ZNF787: variants seen among roughly 807,000 people sequenced by gnomAD.
The protein encoded by ZNF787 is zinc finger protein 787.
Under a neutral mutation model 16.9 loss-of-function variants are expected in ZNF787, and 7 were observed. That is an observed-to-expected ratio of 0.42 (90% CI 0.24 to 0.78). The LOEUF (loss-of-function observed/expected upper bound fraction) is 0.78. ZNF787 is among the 30% of genes least tolerant of loss of function. The pLI, the probability that ZNF787 is intolerant of heterozygous loss-of-function variation, is 0.30. For missense variants in ZNF787, 551 were observed against 589.3 expected (o/e 0.94, Z 0.67); for synonymous variants, 345 against 270.9 (o/e 1.27, Z -2.69).
chr19:56,117,329 G>GCGGC, intron 1 of ZNF787, among the ~76,000 whole-genome samples: 1 of 151,242 alleles, frequency 6.6e-6, no homozygotes, highest in African/African-American at 2.4e-5. Flanking sequence ...CACAAGCAGA[G>GCGGC]TGGCTAGTAC....
At chr19:56,109,089 C>A (rs58893103) in intron 1 of ZNF787, among the ~76,000 whole-genome samples, 17,073 of 152,192 alleles carry the variant, frequency 0.11, 1,330 homozygotes, top group East Asian at 0.33. Flanking sequence ...ACCCCTCCCA[C>A]GCCCAACATC....
Position 56,098,556 on chromosome 19 carries a change from T to C in ZNF787, c.79+4583A>G, listed in dbSNP as rs1412115131. ...CCACCAGGGTGATATGGCCGCCGGGTGATGGAGCCTAGGTGATACGGCCAC... is the reference window on the plus strand; with the variant it reads ...CCACCAGGGTGATATGGCCGCCGGGCGATGGAGCCTAGGTGATACGGCCAC... On this transcript the variant is annotated intron_variant, in intron 2 of 2. Coordinates refer to ENST00000610935, the MANE Select transcript of ZNF787 (RefSeq NM_001002836.4). 8.4e-4 allele frequency among the ~76,000 whole-genome samples: 99 copies of C among 118,152 alleles called. 2 individuals are homozygous for C. The highest frequency in any genetic ancestry group is 3.6e-3 in the African/African-American group (96 of 26,346). 77.5% of individuals were successfully genotyped at this position (118,152 alleles called of 152,430 possible).
At position 56,096,922 on chromosome 19, in the gene ZNF787, G is replaced by A. The variant is rs529966230; in HGVS notation, c.79+6217C>T. Among the ~76,000 whole-genome samples, 5 of 152,092 alleles carry A rather than the reference G, an allele frequency of 3.3e-5. No individual in the cohort carries two copies. The South Asian group carries it at 6.2e-4, about 19-fold the overall frequency. ...CAGCTCTGAGGCTGCCTGAGCTGTC[G>A]CTGCCCGGTCCCACACCCCTCACCC... On this transcript the variant is annotated intron_variant, in intron 2 of 2. Transcript: ENST00000610935.
intron 1 of ZNF787, among the ~76,000 whole-genome samples, chr19:56,107,730 G>C (rs941573555): frequency 1.5e-4 from 23 of 152,064 alleles, no homozygotes; most frequent in Non-Finnish European, 2.4e-4. Flanking sequence ...GGGGAGGCTG[G>C]GGTGGGCCCT....
intron 1 of ZNF787, among the ~76,000 whole-genome samples, chr19:56,104,526 C>T (rs1372500219): frequency 4.0e-5 from 6 of 151,482 alleles, no homozygotes; most frequent in South Asian, 2.1e-4. Context: ...TCTCTACACA[C>T]GCCACTGATC....
At chr19:56,118,760 G>A (rs376706165) in intron 1 of ZNF787, among the ~76,000 whole-genome samples, 24 of 152,266 alleles carry the variant, frequency 1.6e-4, no homozygotes, top group Admixed American at 2.6e-4. Flanking sequence ...GAGGACACAC[G>A]AACGAGGTTT....
intron 1 of ZNF787, among the ~76,000 whole-genome samples, chr19:56,115,335 C>G (rs1396575868): frequency 1.4e-5 from 2 of 146,706 alleles, no homozygotes; most frequent in South Asian, 4.4e-4. Context: ...AGGCCGGCCG[C>G]GGCACGTTGA....
intron 1 of ZNF787, among the ~76,000 whole-genome samples, chr19:56,110,740 C>T (rs1322585475): frequency 1.3e-5 from 2 of 152,260 alleles, no homozygotes; most frequent in Non-Finnish European, 2.9e-5. Context: ...CAGCTTCCTG[C>T]AGGGTGAAGG....
At chr19:56,093,113 G>C (rs1406842817) in intron 2 of ZNF787, among the ~76,000 whole-genome samples, 2 of 150,872 alleles carry the variant, frequency 1.3e-5, no homozygotes, top group Non-Finnish European at 2.9e-5. Context: ...ACAGGGGATG[G>C]CGGAAGTGGG....
chr19:56,088,240 C>G lies in ZNF787; in HGVS notation c.932G>C (p.Gly311Ala). Residue 311 changes from glycine to alanine, a missense_variant, in exon 3 of 3, where the codon GGG becomes GCG. By Grantham distance (60) the Gly-to-Ala change is moderately conservative. This residue lies in a region of ZNF787 where 392 missense variants were observed against 312.7 expected (regional missense o/e 1.25). Transcript: ENST00000610935. The surrounding 1 kb of genome is among the most constrained non-coding windows in gnomAD (Gnocchi z 8.6). ...GCAGATGTGGGCCGGCTCCTCGCCC[C>G]CCGCCGCCCCGAGCCCGTCCCCGTG... ...AQHGDGLGAA[G>A]GEEPAHICVE... 1.4e-6 allele frequency: 2 copies of G among 1,479,866 alleles called. No homozygotes were observed. The highest frequency in any genetic ancestry group is 1.8e-6 in the Non-Finnish European group (2 of 1,119,838). 91.7% of individuals were successfully genotyped at this position (1,479,866 alleles called of 1,614,324 possible). A position where few individuals can be genotyped will look rare whatever the true frequency, so the allele number is the denominator to read the frequency against.
intron 2 of ZNF787, chr19:56,102,791 G>A (rs559558930): frequency 6.1e-6 from 4 of 655,274 alleles, no homozygotes; most frequent in South Asian, 3.4e-5. Flanking sequence ...ATAGCAGAGG[G>A]TCCAGGATGT....
chr19:56,087,860 T>G lies in ZNF787; in HGVS notation c.*163A>C. The G allele has an allele frequency of 8.7e-7, 1 of 1,146,550 alleles. No homozygotes were observed. The highest frequency in any genetic ancestry group is 3.7e-5 in the East Asian group (1 of 27,276). 71.0% of individuals were successfully genotyped at this position (1,146,550 alleles called of 1,614,324 possible). A position where few individuals can be genotyped will look rare whatever the true frequency, so the allele number is the denominator to read the frequency against. ...GTGAACGGGCCCTAATACGCCCCAG[T>G]GCCCCCCCACGGACGGCGCAGGGAC... is the stretch of plus-strand genomic sequence containing the variant. On this transcript the variant is annotated 3_prime_UTR_variant, in exon 3 of 3. Transcript: ENST00000610935.
At position 56,088,767 on chromosome 19, in the gene ZNF787, G is replaced by T. The variant is rs1391125145; in HGVS notation, c.405C>A (p.Ser135=). 1.9e-6 allele frequency: 3 copies of T among 1,611,074 alleles called. No homozygotes were observed. Among genetic ancestry groups the T allele is most frequent in the Non-Finnish European group, 2.5e-6 (3 of 1,179,012 alleles). The change falls in exon 3 of 3, where the codon TCC becomes TCA. Residue 135 remains serine, a synonymous_variant. Coordinates refer to ENST00000610935, the MANE Select transcript of ZNF787 (RefSeq NM_001002836.4). This position sits in a 1 kb window ranked among gnomAD's most constrained non-coding sequence, Gnocchi z 8.6. ...GGATGCGCTGGTGCTGCATGAGGTT[G>T]GAGCTCCAGCTGAAGCGCTTGCCGC... ...LECGKRFSWS[S]NLMQHQRIHT...
chr19:56,103,788 A>G lies in ZNF787; in HGVS notation c.-10-561T>C, dbSNP rs553437155. On this transcript the variant is annotated intron_variant, in intron 1 of 2. Coordinates refer to ENST00000610935, the MANE Select transcript of ZNF787 (RefSeq NM_001002836.4). ...ACGACACCACCGACCCGTGCCACGC[A>G]CCAGGAGGGTCTCTACGCACGACAC... Among the ~76,000 whole-genome samples the G allele has an allele frequency of 3.2e-4, 48 of 149,418 alleles. 5 individuals carry two copies. The highest frequency in any genetic ancestry group is 1.1e-3 in the African/African-American group (46 of 40,378).
intron 1 of ZNF787, among the ~76,000 whole-genome samples, chr19:56,106,325 A>G (rs1935369170): frequency 6.6e-6 from 1 of 152,070 alleles, no homozygotes; most frequent in Admixed American, 6.5e-5. Flanking sequence ...TGGTCCATGC[A>G]CCCACCCATC....
chr19:56,102,598 G>A, intron 2 of ZNF787: 1 of 471,452 alleles, frequency 2.1e-6, no homozygotes, highest in Middle Eastern at 5.5e-4. Flanking sequence ...AAAAAGTGAA[G>A]GATTTCACAT....
intron 2 of ZNF787, chr19:56,102,777 A>C (rs1986149505): frequency 1.6e-6 from 1 of 620,834 alleles, no homozygotes; most frequent in African/African-American, 1.8e-5. Context: ...GCCCGCCTGG[A>C]ATCATAGCAG....
chr19:56,095,264 T>G (rs945736167), intron 2 of ZNF787, among the ~76,000 whole-genome samples: 4 of 152,174 alleles, frequency 2.6e-5, no homozygotes, highest in Non-Finnish European at 4.4e-5. Flanking sequence ...TCCCCAAGTG[T>G]GGCCCAGTTC....
At chr19:56,109,774 C>G (rs892941570) in intron 1 of ZNF787, among the ~76,000 whole-genome samples, 5 of 152,168 alleles carry the variant, frequency 3.3e-5, no homozygotes, top group Non-Finnish European at 7.3e-5. Context: ...GTCCCAGCTA[C>G]TCGGGAGGCT....
Sources: gnomAD v4.1 joint callset for allele counts (sites outside exome capture counted in the v4.1 genomes callset) on GRCh38, gnomAD v4.1.1 for gene constraint, gnomAD v4.1.1 regional missense constraint, Gnocchi (gnomAD v3.1) non-coding constraint, MANE v1.5 for transcripts, NCBI Gene and HGNC (gene_info 2026-07-23, HGNC 2026-07-21) for gene names.